Variants in CAPN13 observed in about 807,000 individuals in gnomAD.
CAPN13 encodes the protein calpain-13.
CAPN13 carries 90 observed loss-of-function variants against 98.4 expected under a neutral mutation model. The observed-to-expected ratio is 0.92, with a 90% CI of 0.77 to 1.09. The LOEUF (loss-of-function observed/expected upper bound fraction) is 1.09, where lower values mean the gene tolerates loss of function less well. Among genes scored for constraint, CAPN13 ranks in the 50% least tolerant of loss-of-function variants. The pLI is 0.00. For synonymous variants in CAPN13, 330 were observed against 305.5 expected, an observed-to-expected ratio of 1.08 and a Z score of -0.84; for missense variants, 887 against 841.3, an observed-to-expected ratio of 1.05 and a Z score of -0.67.
chr2:30,734,556 T>G (rs542433122), intron 18 of CAPN13, 32 bp from the exon 19 acceptor site: 1 of 1,563,272 alleles, frequency 6.4e-7, no homozygotes, highest in South Asian at 1.1e-5. Context: ...GAAGTCTGTG[T>G]GAAGACTGGG....
intron 22 of CAPN13, among the ~76,000 whole-genome samples, chr2:30,726,454 A>G (rs1369701258): frequency 6.6e-6 from 1 of 152,232 alleles, no homozygotes; most frequent in Non-Finnish European, 1.5e-5. Flanking sequence ...TTTATTGCAG[A>G]TTACATGACT....
intron 1 of CAPN13, among the ~76,000 whole-genome samples, chr2:30,804,258 T>C (rs952190540): frequency 8.5e-5 from 13 of 152,218 alleles, no homozygotes; most frequent in African/African-American, 2.7e-4. Flanking sequence ...TGGAGTGCAG[T>C]GGCGCAACCT....
chr2:30,796,644 CAAG>C (rs775085613), intron 1 of CAPN13, among the ~76,000 whole-genome samples: 9 of 151,954 alleles, frequency 5.9e-5, no homozygotes, highest in Non-Finnish European at 1.0e-4. Context: ...ACTTCAAAAC[CAAG>C]AAGATGAAAT....
chr2:30,770,064 A>T (rs1268980922), intron 5 of CAPN13, among the ~76,000 whole-genome samples: 1 of 152,172 alleles, frequency 6.6e-6, no homozygotes, highest in African/African-American at 2.4e-5. Flanking sequence ...TTGGGCCCTG[A>T]TACCAGCCTT....
intron 22 of CAPN13, among the ~76,000 whole-genome samples, chr2:30,727,353 G>A (rs1435801152): frequency 6.6e-6 from 1 of 152,120 alleles, no homozygotes; most frequent in African/African-American, 2.4e-5. Context: ...TGCTACAGAT[G>A]ATGGCATCAA....
chr2:30,759,175 T>C (rs1252114026), intron 7 of CAPN13, among the ~76,000 whole-genome samples: 1 of 146,680 alleles, frequency 6.8e-6, no homozygotes, highest in Admixed American at 6.8e-5. Flanking sequence ...CCCTCGTTTT[T>C]CTCCTCCTTC....
intron 22 of CAPN13, among the ~76,000 whole-genome samples, chr2:30,724,898 C>G (rs909162926): frequency 1.3e-5 from 2 of 151,880 alleles, no homozygotes; most frequent in African/African-American, 4.9e-5. Context: ...TAGACTCATC[C>G]TGCAGAAAAT....
At chr2:30,732,916 A>C (rs985608158) in intron 19 of CAPN13, among the ~76,000 whole-genome samples, 1 of 151,980 alleles carries the variant, frequency 6.6e-6, no homozygotes, top group Non-Finnish European at 1.5e-5. Context: ...GACCTTCACA[A>C]CCTTCCTCCC....
chr2:30,795,721 A>G (rs1219770396), intron 1 of CAPN13, among the ~76,000 whole-genome samples: 1 of 152,094 alleles, frequency 6.6e-6, no homozygotes, highest in Non-Finnish European at 1.5e-5. Context: ...TAACTCCTTT[A>G]CAGTGTCTTT....
chr2:30,736,228 T>A (rs116204378), intron 18 of CAPN13, among the ~76,000 whole-genome samples: 1 of 18,148 alleles, frequency 5.5e-5, no homozygotes, highest in Non-Finnish European at 1.1e-4. Flanking sequence ...GGGGCGGGGG[T>A]GGGGGCAGAT....
intron 19 of CAPN13, among the ~76,000 whole-genome samples, chr2:30,733,238 G>A (rs952154773): frequency 6.6e-5 from 10 of 152,170 alleles, no homozygotes; most frequent in Non-Finnish European, 1.5e-4. Context: ...GGACAAGCCT[G>A]GTGGCCCATG....
intron 7 of CAPN13, among the ~76,000 whole-genome samples, chr2:30,760,300 T>C (rs13393465): frequency 0.46 from 69,819 of 152,018 alleles, 16,961 homozygotes; most frequent in African/African-American, 0.62. Flanking sequence ...TTAGCCAGGA[T>C]GGATACGCAG....
At chr2:30,770,963 A>G (rs1256899579) in intron 4 of CAPN13, among the ~76,000 whole-genome samples, 1 of 152,182 alleles carries the variant, frequency 6.6e-6, no homozygotes. Context: ...CTGTGGGCAA[A>G]GGCCTGGAGA....
At chr2:30,790,437 T>G (rs1463797137) in intron 1 of CAPN13, among the ~76,000 whole-genome samples, 1 of 152,214 alleles carries the variant, frequency 6.6e-6, no homozygotes. Context: ...CAAGGAGAGC[T>G]AGAAACATCA....
At chr2:30,794,456 A>G (rs1247025438) in intron 1 of CAPN13, among the ~76,000 whole-genome samples, 1 of 151,928 alleles carries the variant, frequency 6.6e-6, no homozygotes, top group East Asian at 1.9e-4. Flanking sequence ...TAGATATGTA[A>G]ATTGGTATGA....
In CAPN13 at chr2:30,754,299, C is replaced by T. The variant is rs1236431219; in HGVS notation, c.932G>A (p.Gly311Asp). The change falls in exon 9 of 23, where the codon GGC becomes GAC. Residue 311 changes from glycine to aspartate, a missense_variant. Gly to Asp is a moderately conservative substitution (Grantham distance 94). Transcript: ENST00000295055. The part of the protein sequence containing the change: ...KSQLHKKRED[G>D]EFWMSCQDFQ... ...TAAGAAGGGTAAATACCAAAACTCG[C>T]CATCTTCCCGTTTCTTATGTAGCTG... 1.2e-6 allele frequency: 2 copies of T among 1,603,682 alleles called. No individual in the cohort carries two copies. Among genetic ancestry groups the T allele is most frequent in the Non-Finnish European group, 1.7e-6 (2 of 1,175,516 alleles).
intron 22 of CAPN13, among the ~76,000 whole-genome samples, chr2:30,726,836 G>C (rs188354020): frequency 9.2e-5 from 14 of 152,210 alleles, no homozygotes; most frequent in African/African-American, 3.4e-4. Flanking sequence ...CCCAGAAGCT[G>C]ATAAATTGAT....
chr2:30,765,743 C>T (rs1027156599), intron 5 of CAPN13, among the ~76,000 whole-genome samples: 2 of 152,234 alleles, frequency 1.3e-5, no homozygotes, highest in Non-Finnish European at 2.9e-5. Flanking sequence ...ATCAGCAGGA[C>T]TCTGCCCCGG....
At chr2:30,743,147 G>A (rs1428601934) in intron 13 of CAPN13, 8 of 548,124 alleles carry the variant, frequency 1.5e-5, no homozygotes, top group Admixed American at 6.6e-5. Context: ...CAGTCCTCCC[G>A]TGCCACTTTG....
Sources: allele counts gnomAD v4.1 joint callset (sites outside exome capture counted in the v4.1 genomes callset), GRCh38; gene constraint gnomAD v4.1.1; transcripts MANE v1.5; gene names NCBI Gene and HGNC (gene_info 2026-07-23, HGNC 2026-07-21).